The following PTCH1 variants were observed in gnomAD, a reference collection of about 807,000 sequenced individuals.
PTCH1 encodes patched 1.
A neutral mutation model predicts 144.6 loss-of-function variants in PTCH1; 14 were observed. The ratio of observed to expected loss-of-function variants is 0.10; its 90% CI spans 0.06 to 0.15. The LOEUF is 0.15. PTCH1 is among the 10% of genes least tolerant of loss of function. The pLI is 1.00. For synonymous variants in PTCH1, 833 were observed against 793.6 expected, an observed-to-expected ratio of 1.05 and a Z score of -0.83; for missense variants, 1,623 against 1,948.3, an observed-to-expected ratio of 0.83 and a Z score of 3.14.
intron 2 of PTCH1, among the ~76,000 whole-genome samples, chr9:95,501,089 C>T (rs1843117800): frequency 1.3e-5 from 2 of 152,180 alleles, no homozygotes; most frequent in African/African-American, 4.8e-5. Flanking sequence ...TGCATTGTAG[C>T]CACAACTCCA....
At chr9:95,483,596 C>G (rs544451438) in intron 3 of PTCH1, 3 of 152,478 alleles carry the variant, frequency 2.0e-5, no homozygotes, top group Admixed American at 1.3e-4. Flanking sequence ...AAATGACCCC[C>G]TTCTCCTGAA....
At chr9:95,498,072 GA>G (rs372078931) in intron 2 of PTCH1, among the ~76,000 whole-genome samples, 40 of 152,058 alleles carry the variant, frequency 2.6e-4, no homozygotes, top group African/African-American at 8.0e-4. Context: ...ATTTAAGGGG[GA>G]AAAAAAATCA....
chr9:95,515,804 C>T (rs1297363306), intron 1 of PTCH1, among the ~76,000 whole-genome samples: 1 of 152,244 alleles, frequency 6.6e-6, no homozygotes, highest in African/African-American at 2.4e-5. Context: ...AAAAGCCTCT[C>T]TGGCCCTTTT....
At chr9:95,511,292 T>G (rs1193700705), upstream of PTCH1, among the ~76,000 whole-genome samples, 1 of 151,494 alleles carries the variant, frequency 6.6e-6, no homozygotes, top group Non-Finnish European at 1.5e-5. Flanking sequence ...GCCTTCTCCT[T>G]CCTCCCTCGC....
intron 12 of PTCH1, among the ~76,000 whole-genome samples, chr9:95,470,624 G>A (rs1210620306): frequency 6.6e-6 from 1 of 152,154 alleles, no homozygotes; most frequent in Admixed American, 6.6e-5. Flanking sequence ...ATCTTCTGCT[G>A]ACCTAGTAAA....
At chr9:95,446,504 G>T in intron 23 of PTCH1, 113 bp from the exon 24 acceptor site, 1 of 477,690 alleles carries the variant, frequency 2.1e-6, no homozygotes, top group East Asian at 6.0e-5. Flanking sequence ...CACGAGAGTG[G>T]GGTGTGGGCC....
chr9:95,489,627 C>T (rs1842228336), intron 2 of PTCH1, among the ~76,000 whole-genome samples: 1 of 152,128 alleles, frequency 6.6e-6, no homozygotes, highest in Non-Finnish European at 1.5e-5. Flanking sequence ...GCTGGGATTT[C>T]AGGCATGACT....
intron 15 of PTCH1, among the ~76,000 whole-genome samples, chr9:95,462,843 G>A (rs1361237369): frequency 6.6e-6 from 1 of 152,218 alleles, no homozygotes; most frequent in African/African-American, 2.4e-5. Flanking sequence ...AGCTGCGCTT[G>A]GCCTCAGTAA....
chr9:95,494,076 A>G (rs1002455827), intron 2 of PTCH1, among the ~76,000 whole-genome samples: 8 of 152,214 alleles, frequency 5.3e-5, no homozygotes, highest in Non-Finnish European at 1.0e-4. Flanking sequence ...CTGCCCACGG[A>G]ACCGCACGGG....
intron 22 of PTCH1, among the ~76,000 whole-genome samples, chr9:95,448,525 CCT>C (rs771461449): frequency 6.6e-6 from 1 of 152,292 alleles, no homozygotes; most frequent in South Asian, 2.1e-4. Context: ...TGGTTCTTGG[CCT>C]CTCTGCTCTT....
At chr9:95,516,410 G>C (rs1312192411) in intron 1 of PTCH1, 1 of 1,296,666 alleles carries the variant, frequency 7.7e-7, no homozygotes, top group Non-Finnish European at 9.8e-7. Context: ...CGCGCCGCCC[G>C]AGGAGCACGG....
In PTCH1 at chr9:95,508,447, G is replaced by A. The variant is rs1299983765; in HGVS notation, c.-86C>T. The A allele has an allele frequency of 1.2e-5, 12 of 1,028,048 alleles. No individual in the cohort carries two copies. Among genetic ancestry groups the A allele is most frequent in the Non-Finnish European group, 1.3e-5 (11 of 858,782 alleles). 63.7% of individuals were successfully genotyped at this position (1,028,048 alleles called of 1,614,324 possible). A position where few individuals can be genotyped will look rare whatever the true frequency, so the allele number is the denominator to read the frequency against. On this transcript the variant is annotated 5_prime_UTR_variant, in exon 1 of 24. Coordinates refer to ENST00000331920, the MANE Select transcript of PTCH1 (RefSeq NM_000264.5). ...GCTGCCGCTGCTGCGGGCTCCTGGC[G>A]CGCCTGGGCGCTCGGCTTGCGAGGA...
Position 95,506,238 on chromosome 9 carries a change from G to C in PTCH1, c.394+169C>G, listed in dbSNP as rs866597058. ...AGTAGATTACAGCGCGGCCTTTGTC[G>C]GGCGGGCCTGGCTCCCGGCCAGGCG... On this transcript the variant is annotated intron_variant, in intron 2 of 23. Coordinates refer to ENST00000331920, the MANE Select transcript of PTCH1 (RefSeq NM_000264.5). 153 of 746,950 alleles carry C rather than the reference G, an allele frequency of 2.0e-4. 1 individual carries two copies. Among genetic ancestry groups the C allele is most frequent in the Middle Eastern group, 1.6e-3 (4 of 2,526 alleles). 46.3% of individuals were successfully genotyped at this position (746,950 alleles called of 1,614,324 possible).
chr9:95,469,159 AG>A lies in PTCH1; in HGVS notation c.1848-7del. ...TCACTCTGCTGACGCAGGGGCTGAA[AG>A]GAGGGGAAACATGTTGCAATGTTAT... On this transcript the variant is annotated splice_region_variant and splice_polypyrimidine_tract_variant and intron_variant, in intron 13 of 23. Transcript: ENST00000331920. 6.2e-7 allele frequency: 1 copy of A among 1,614,058 alleles called. No homozygotes were observed. Among genetic ancestry groups the A allele is most frequent in the Non-Finnish European group, 8.5e-7 (1 of 1,180,030 alleles).
chr9:95,460,439 A>G (rs1203644961), intron 16 of PTCH1, among the ~76,000 whole-genome samples: 1 of 152,064 alleles, frequency 6.6e-6, no homozygotes, highest in Non-Finnish European at 1.5e-5. Flanking sequence ...GAGGTGGGGA[A>G]CTCTGTGGGA....
At chr9:95,498,424 C>A (rs1255193628) in intron 2 of PTCH1, among the ~76,000 whole-genome samples, 1 of 152,152 alleles carries the variant, frequency 6.6e-6, no homozygotes, top group African/African-American at 2.4e-5. Flanking sequence ...GACTGCCCAC[C>A]AACAATACAG....
At chr9:95,467,474 C>T (rs779197133) in intron 14 of PTCH1, 49 bp from the exon 15 acceptor site, 2 of 1,579,550 alleles carry the variant, frequency 1.3e-6, no homozygotes, top group East Asian at 2.3e-5. Context: ...ACCACTGACT[C>T]TTCCTGGACA....
Position 95,508,016 on chromosome 9 carries a change from C to T in PTCH1, c.201+145G>A, listed in dbSNP as rs529182242. 1.4e-5 allele frequency: 22 copies of T among 1,526,500 alleles called. No individual in the cohort carries two copies. The Admixed American group carries it at 3.4e-4, about 23-fold the overall frequency. 94.6% of individuals were successfully genotyped at this position (1,526,500 alleles called of 1,614,324 possible). Reference sequence around the variant, plus strand: ...GAATTTTTCAATCCCCATTTGTCTGCTGCTTTTCCTGGAGAGGTGTGAGTG... The same window carrying T: ...GAATTTTTCAATCCCCATTTGTCTGTTGCTTTTCCTGGAGAGGTGTGAGTG... On this transcript the variant is annotated intron_variant, in intron 1 of 23. Coordinates refer to ENST00000331920, the MANE Select transcript of PTCH1 (RefSeq NM_000264.5).
intron 5 of PTCH1, among the ~76,000 whole-genome samples, chr9:95,481,626 TGCCTC>T (rs767462928): frequency 9.9e-5 from 15 of 152,228 alleles, no homozygotes; most frequent in Non-Finnish European, 1.3e-4. Flanking sequence ...AGTGTCTAAA[TGCCTC>T]GTCTTCGAAA....
Sources: allele counts gnomAD v4.1 joint callset (sites outside exome capture counted in the v4.1 genomes callset), GRCh38; gene constraint gnomAD v4.1.1; transcripts MANE v1.5; gene names NCBI Gene and HGNC (gene_info 2026-07-23, HGNC 2026-07-21).